The following PDE1C variants were observed in gnomAD, a reference collection of about 807,000 sequenced individuals.
The protein encoded by PDE1C is dual specificity calcium/calmodulin-dependent 3',5'-cyclic nucleotide phosphodiesterase 1C.
PDE1C carries 62 observed loss-of-function variants against 93.1 expected under a neutral mutation model. The observed-to-expected ratio is 0.67, with a 90% confidence interval of 0.54 to 0.82. The LOEUF is 0.82. Among genes scored for constraint, PDE1C ranks in the 40% least tolerant of loss-of-function variants. The probability of loss-of-function intolerance (pLI) is 0.00; values close to 1 mark genes in which losing one functional copy is unlikely to be tolerated. For synonymous variants in PDE1C, 325 were observed against 310.1 expected (o/e 1.05, Z -0.50); for missense variants, 742 against 884.6 (o/e 0.84, Z 2.04).
chr7:31,790,746 C>A (rs948930782), intron 16 of PDE1C, among the ~76,000 whole-genome samples: 2 of 152,100 alleles, frequency 1.3e-5, no homozygotes, highest in Non-Finnish European at 2.9e-5. Flanking sequence ...TAGCCCAAAT[C>A]ATTTTGCAGA....
chr7:32,155,520 C>T (rs551874503), intron 3 of PDE1C, among the ~76,000 whole-genome samples: 1 of 152,300 alleles, frequency 6.6e-6, no homozygotes, highest in East Asian at 1.9e-4. Flanking sequence ...AGAGTGGTTG[C>T]TCAGTGCTGA....
chr7:31,790,356 CA>C (rs1189630132), intron 16 of PDE1C: 362 of 985,994 alleles, frequency 3.7e-4, no homozygotes, highest in South Asian at 5.6e-4. Flanking sequence ...TCTAGGGGAC[CA>C]AAAAAAATGG....
chr7:32,029,075 G>A (rs375289116), intron 2 of PDE1C, among the ~76,000 whole-genome samples: 3 of 152,098 alleles, frequency 2.0e-5, no homozygotes, highest in South Asian at 4.1e-4. Context: ...TTAAAAATGG[G>A]CAAGGGACCT....
intron 2 of PDE1C, among the ~76,000 whole-genome samples, chr7:31,982,074 A>C (rs2129060767): frequency 6.6e-6 from 1 of 152,322 alleles, no homozygotes; most frequent in African/African-American, 2.4e-5. Flanking sequence ...TTCCACTTGA[A>C]GTGCACAGTA....
At chr7:31,959,156 C>T (rs1367809406) in intron 2 of PDE1C, among the ~76,000 whole-genome samples, 2 of 152,104 alleles carry the variant, frequency 1.3e-5, no homozygotes, top group Admixed American at 1.3e-4. Flanking sequence ...AAATATAATT[C>T]ATTCACATAA....
intron 1 of PDE1C, among the ~76,000 whole-genome samples, chr7:32,374,014 A>G (rs1250772830): frequency 6.7e-6 from 1 of 149,308 alleles, no homozygotes; most frequent in Non-Finnish European, 1.5e-5. Context: ...GAAAAGAAAG[A>G]AAGAAAGAAA....
intron 3 of PDE1C, among the ~76,000 whole-genome samples, chr7:32,110,398 C>A (rs1218432963): frequency 6.6e-6 from 1 of 152,180 alleles, no homozygotes; most frequent in Admixed American, 6.5e-5. Flanking sequence ...GAAAGACCCA[C>A]CCCTATAATT....
At position 32,062,701 on chromosome 7, in the gene PDE1C, A is replaced by G. The variant is rs1794953127; in HGVS notation, c.101+7592T>C. On this transcript the variant is annotated intron_variant, in intron 1 of 17. Transcript: ENST00000396191. ...GTAGTAATTTATGGAAGTATTGTTT[A>G]ATATATTCCTCTACTGTAGGCTGAA... Among the ~76,000 whole-genome samples, 3 of 152,170 alleles carry G rather than the reference A, an allele frequency of 2.0e-5. No homozygotes were observed. The South Asian group carries it at 6.2e-4, about 32-fold the overall frequency.
the PDE1C span, among the ~76,000 whole-genome samples, chr7:31,674,785 ATGGG>A: frequency 6.6e-6 from 1 of 152,192 alleles, no homozygotes; most frequent in Non-Finnish European, 1.5e-5. Flanking sequence ...AAATACTTAA[ATGGG>A]AGGGCAAATC....
chr7:31,846,658 A>C (rs1441134373), intron 9 of PDE1C, among the ~76,000 whole-genome samples: 4 of 152,202 alleles, frequency 2.6e-5, no homozygotes, highest in Non-Finnish European at 4.4e-5. Flanking sequence ...GAGCTCCTGC[A>C]CAGCAAAAGA....
intron 3 of PDE1C, among the ~76,000 whole-genome samples, chr7:32,167,779 AAG>A (rs750880272): frequency 3.5e-4 from 54 of 152,152 alleles, no homozygotes; most frequent in Non-Finnish European, 6.2e-4. Flanking sequence ...ACCAAGGAAA[AAG>A]AGAACGAAGT....
chr7:32,387,329 C>T lies in PDE1C; in HGVS notation c.310+40493G>A, dbSNP rs574853470. ...TTCTCAATTTTTTCCCCACCCTTCC[C>T]GCCTTTCTATTCCACAAAACCGCCA... On this transcript the variant is annotated intron_variant, in intron 1 of 1. Transcript: ENST00000672256. Among the ~76,000 whole-genome samples, 488 of 151,882 alleles carry T rather than the reference C, an allele frequency of 3.2e-3. 1 individual carries two copies. The highest frequency in any genetic ancestry group is 0.011 in the African/African-American group (457 of 41,468).
intron 1 of PDE1C, among the ~76,000 whole-genome samples, chr7:32,218,755 A>G (rs1341113219): frequency 6.6e-6 from 1 of 152,118 alleles, no homozygotes; most frequent in Admixed American, 6.6e-5. Flanking sequence ...ATGAAAATTG[A>G]AATTTACTTA....
chr7:31,984,275 A>G (rs1215258367), intron 2 of PDE1C, among the ~76,000 whole-genome samples: 1 of 152,104 alleles, frequency 6.6e-6, no homozygotes, highest in Non-Finnish European at 1.5e-5. Context: ...CCTACTGTGA[A>G]TTGTGCACAT....
At chr7:32,288,756 T>G (rs1812160968) in intron 1 of PDE1C, among the ~76,000 whole-genome samples, 1 of 152,246 alleles carries the variant, frequency 6.6e-6, no homozygotes, top group Non-Finnish European at 1.5e-5. Context: ...TCCATTCACT[T>G]TCCCACTCAC....
chr7:32,337,646 T>C (rs925009409), intron 1 of PDE1C, among the ~76,000 whole-genome samples: 2 of 151,718 alleles, frequency 1.3e-5, no homozygotes, highest in African/African-American at 2.4e-5. Context: ...GGGACGGAGA[T>C]AGATAATTGG....
intron 2 of PDE1C, among the ~76,000 whole-genome samples, chr7:31,977,480 C>A (rs1014742015): frequency 8.6e-5 from 13 of 152,034 alleles, no homozygotes; most frequent in Non-Finnish European, 1.8e-4. Flanking sequence ...TAGAAAATAC[C>A]AAGCTCTTTT....
At chr7:31,895,426 C>T (rs528388084) in intron 2 of PDE1C, among the ~76,000 whole-genome samples, 1 of 152,304 alleles carries the variant, frequency 6.6e-6, no homozygotes, top group African/African-American at 2.4e-5. Context: ...GAGGACAATA[C>T]AAGACCCTGC....
At chr7:31,907,709 CCCAAAGATATAA>C (rs1800770880) in intron 2 of PDE1C, among the ~76,000 whole-genome samples, 1 of 151,518 alleles carries the variant, frequency 6.6e-6, no homozygotes, top group African/African-American at 2.4e-5. Flanking sequence ...TGAAAAAAAT[CCCAAAGATATAA>C]GCAGATTTAT....
Sources: gnomAD v4.1 joint callset for allele counts (sites outside exome capture counted in the v4.1 genomes callset) on GRCh38, gnomAD v4.1.1 for gene constraint, MANE v1.5 for transcripts, NCBI Gene and HGNC (gene_info 2026-07-23, HGNC 2026-07-21) for gene names.